Variants in SPAG16 observed in about 807,000 individuals in gnomAD.
SPAG16 encodes the protein sperm-associated antigen 16 protein.
Under a neutral mutation model 80.4 loss-of-function variants are expected in SPAG16, and 86 were observed. The observed-to-expected ratio is 1.07, with a 90% CI of 0.90 to 1.28. The LOEUF (loss-of-function observed/expected upper bound fraction) is 1.28. SPAG16 is among the 50% of genes most tolerant of loss of function. SPAG16 has a pLI of 0.00. For missense variants in SPAG16, 870 were observed against 765.3 expected (o/e 1.14, Z -1.61); for synonymous variants, 294 against 265.9 (o/e 1.11, Z -1.03).
chr2:213,451,272 A>G (rs1036795699), intron 9 of SPAG16, among the ~76,000 whole-genome samples: 3 of 152,212 alleles, frequency 2.0e-5, no homozygotes, highest in South Asian at 2.1e-4. Flanking sequence ...TTTAATTCCA[A>G]TAGGGTTAGA....
At chr2:214,129,009 T>G (rs531201027) in intron 14 of SPAG16, among the ~76,000 whole-genome samples, 1 of 151,958 alleles carries the variant, frequency 6.6e-6, no homozygotes, top group South Asian at 2.1e-4. Flanking sequence ...GTCCTCACTT[T>G]CCCAGTGTAA....
chr2:213,786,998 A>G (rs556740823), intron 10 of SPAG16, among the ~76,000 whole-genome samples: 10 of 152,310 alleles, frequency 6.6e-5, no homozygotes, highest in African/African-American at 2.4e-4. Flanking sequence ...ATTGATTACC[A>G]ACATTTTTGT....
chr2:213,576,954 T>C (rs992226343), intron 10 of SPAG16, among the ~76,000 whole-genome samples: 2 of 152,084 alleles, frequency 1.3e-5, no homozygotes, highest in Admixed American at 6.6e-5. Flanking sequence ...CAAGTTTACA[T>C]AGGTTACATA....
intron 9 of SPAG16, among the ~76,000 whole-genome samples, chr2:213,411,755 T>C (rs1264617576): frequency 3.3e-5 from 5 of 152,170 alleles, no homozygotes; most frequent in Non-Finnish European, 7.4e-5. Flanking sequence ...TCTTGTCAAG[T>C]GCTGTGTCAT....
At chr2:213,428,914 G>T (rs1477089004) in intron 9 of SPAG16, among the ~76,000 whole-genome samples, 1 of 151,772 alleles carries the variant, frequency 6.6e-6, no homozygotes, top group Non-Finnish European at 1.5e-5. Flanking sequence ...ACATAGTGAA[G>T]CCCTGTCTCT....
chr2:213,788,275 A>G (rs921218212), intron 10 of SPAG16, among the ~76,000 whole-genome samples: 4 of 151,996 alleles, frequency 2.6e-5, no homozygotes, highest in Admixed American at 2.0e-4. Context: ...ATAAGTATTT[A>G]TAGAAGTAAA....
chr2:214,297,574 T>C (rs1169986305), intron 15 of SPAG16, among the ~76,000 whole-genome samples: 1 of 152,126 alleles, frequency 6.6e-6, no homozygotes, highest in Non-Finnish European at 1.5e-5. Flanking sequence ...TTGGATGATA[T>C]TGTTTATTAT....
intron 10 of SPAG16, among the ~76,000 whole-genome samples, chr2:213,583,236 A>G (rs1032773587): frequency 6.6e-6 from 1 of 152,204 alleles, no homozygotes; most frequent in Non-Finnish European, 1.5e-5. Flanking sequence ...TCCAAATGGA[A>G]TGAAACACAT....
At chr2:213,957,152 T>C (rs1162948556) in intron 12 of SPAG16, among the ~76,000 whole-genome samples, 1 of 152,050 alleles carries the variant, frequency 6.6e-6, no homozygotes, top group Non-Finnish European at 1.5e-5. Flanking sequence ...TTTATTATGA[T>C]GTTTATGTTC....
chr2:213,897,189 A>G (rs2077028749), intron 11 of SPAG16, among the ~76,000 whole-genome samples: 1 of 152,186 alleles, frequency 6.6e-6, no homozygotes, highest in Admixed American at 6.6e-5. Context: ...CCCTGAAACT[A>G]TGTACATATG....
chr2:213,453,823 A>G (rs1199237549), intron 9 of SPAG16, among the ~76,000 whole-genome samples: 2 of 152,094 alleles, frequency 1.3e-5, no homozygotes, highest in Non-Finnish European at 1.5e-5. Context: ...ATGAAGGGAA[A>G]CTTCATTGGA....
At chr2:214,176,656 G>A (rs537426781) in intron 15 of SPAG16, among the ~76,000 whole-genome samples, 6 of 151,102 alleles carry the variant, frequency 4.0e-5, no homozygotes, top group African/African-American at 9.7e-5. Flanking sequence ...TTGGGAGCTC[G>A]GTAAGACAAT....
intron 10 of SPAG16, among the ~76,000 whole-genome samples, chr2:213,639,043 G>A (rs972932597): frequency 2.0e-5 from 3 of 151,898 alleles, no homozygotes; most frequent in African/African-American, 7.3e-5. Flanking sequence ...AGTCTGTTTT[G>A]TCTAAGAATA....
chr2:213,544,686 C>A (rs1172759600), intron 10 of SPAG16, among the ~76,000 whole-genome samples: 1 of 152,024 alleles, frequency 6.6e-6, no homozygotes, highest in Non-Finnish European at 1.5e-5. Context: ...ATATCGCTCC[C>A]CCCTCGTACC....
chr2:214,193,426 TGAGAGAGAGAGA>T (rs55774604), intron 15 of SPAG16, among the ~76,000 whole-genome samples: 1,436 of 136,590 alleles, frequency 0.011, 10 homozygotes, highest in Middle Eastern at 0.027. Context: ...TGTGTGTGTA[TGAGAGAGAGAGA>T]GAGAGAGAGA....
In SPAG16 at chr2:213,655,882, G is replaced by A. The variant is rs116219195; in HGVS notation, c.1070+165792G>A. Reference sequence around the variant, plus strand: ...CATAAGTGAAAAGGAAATTGTTTTCGTTTATTTTAGCTTTATATTAAAAAA... The same window carrying A: ...CATAAGTGAAAAGGAAATTGTTTTCATTTATTTTAGCTTTATATTAAAAAA... On this transcript the variant is annotated intron_variant, in intron 10 of 15. Transcript: ENST00000331683. Among the ~76,000 whole-genome samples the A allele has an allele frequency of 8.0e-3, 1,210 of 152,182 alleles. 21 individuals are homozygous for A. Among genetic ancestry groups the A allele is most frequent in the African/African-American group, 0.027 (1,132 of 41,532 alleles).
At chr2:214,193,431 G>GTGTT (rs777734652) in intron 15 of SPAG16, among the ~76,000 whole-genome samples, 1 of 86,084 alleles carries the variant, frequency 1.2e-5, no homozygotes, top group Non-Finnish European at 3.0e-5. Context: ...GTGTATGAGA[G>GTGTT]AGAGAGAGAG....
At chr2:214,103,943 CAGAG>C (rs57534934) in intron 13 of SPAG16, among the ~76,000 whole-genome samples, 8 of 145,604 alleles carry the variant, frequency 5.5e-5, no homozygotes, top group Admixed American at 1.4e-4. Flanking sequence ...GAGAGGGAAA[CAGAG>C]AGAGAGAGAG....
intron 10 of SPAG16, among the ~76,000 whole-genome samples, chr2:213,812,912 G>C (rs1437537158): frequency 6.6e-6 from 1 of 151,670 alleles, no homozygotes; most frequent in Non-Finnish European, 1.5e-5. Flanking sequence ...TATGAGGTTT[G>C]TATGTGAAAA....
Sources: allele counts gnomAD v4.1 joint callset (sites outside exome capture counted in the v4.1 genomes callset), GRCh38; gene constraint gnomAD v4.1.1; transcripts MANE v1.5; gene names NCBI Gene and HGNC (gene_info 2026-07-23, HGNC 2026-07-21).